URB1: variants seen among roughly 807,000 people sequenced by gnomAD.
URB1 encodes nucleolar pre-ribosomal-associated protein 1.
A neutral mutation model predicts 242.3 loss-of-function variants in URB1; 197 were observed. The observed-to-expected ratio is 0.81, with a 90% CI of 0.72 to 0.91. URB1 has a LOEUF of 0.91. Ranked by LOEUF, URB1 falls within the 40% of genes least tolerant of loss-of-function variation. URB1 has a pLI of 0.00. For missense variants in URB1, 2,721 were observed against 2,860.5 expected (o/e 0.95, Z 1.11); for synonymous variants, 1,153 against 1,201.8 (o/e 0.96, Z 0.84).
chr21:32,349,192 T>C, intron 21 of URB1, 112 bp downstream of exon 21: 2 of 1,365,344 alleles, frequency 1.5e-6, no homozygotes, highest in South Asian at 1.6e-5. Context: ...CTGTAGTTTC[T>C]GCATTTCCCA....
At position 32,320,469 on chromosome 21, in the gene URB1, G is replaced by A. The variant is rs983569177; in HGVS notation, c.5594+62C>T. On this transcript the variant is annotated intron_variant, in intron 35 of 38. Coordinates refer to ENST00000382751, the MANE Select transcript of URB1 (RefSeq NM_014825.3). ...ACCAACAACAGAGCTGGCAGCAGAC[G>A]TCATCGTTTCTGTTCCTTTCCTTCC... 2.6e-5 allele frequency: 33 copies of A among 1,246,114 alleles called. No individual in the cohort carries two copies. In the Admixed American group the frequency reaches 3.5e-4, roughly 13 times the overall value. The allele number at this position is 1,246,114 out of a possible 1,614,324, so 77.2% of individuals were successfully genotyped here.
rs1432886137 is a variant in URB1 at position 32,354,961 on chromosome 21, T to C, written c.2143A>G (p.Thr715Ala). 6.4e-7 allele frequency: 1 copy of C among 1,552,164 alleles called. No individual in the cohort carries two copies. Among genetic ancestry groups the C allele is most frequent in the East Asian group, 2.4e-5 (1 of 40,932 alleles). The change falls in exon 17 of 39, where the codon ACA becomes GCA. Residue 715 changes from threonine (T) to alanine (A), a missense_variant. Thr to Ala is a moderately conservative substitution (Grantham distance 58). Transcript: ENST00000382751. The stretch of plus-strand genomic sequence containing the variant: ...TGGACAAAGTCAGATGCTTTGTCTG[T>C]GTATGAATAGGGATTCGCCACCAAT... ...LTLVANPYSY[T>A]DKASDFVQEA...
rs1568814969 is a variant in URB1 at position 32,337,385 on chromosome 21, C to CT, written c.4621+18_4621+19insA. 6.5e-7 allele frequency: 1 copy of CT among 1,546,334 alleles called. No individual in the cohort carries two copies. The highest frequency in any genetic ancestry group is 8.7e-7 in the Non-Finnish European group (1 of 1,143,004). On this transcript the variant is annotated intron_variant, in intron 27 of 38. Transcript: ENST00000382751. ...CACTCCCTCCCCCTGCTCACACTAC[C>CT]CAGCCCTCACACCCTCACCTAGGAC...
At chr21:32,328,313 TTTTTAG>T (rs945446681) in intron 30 of URB1, among the ~76,000 whole-genome samples, 24 of 152,196 alleles carry the variant, frequency 1.6e-4, no homozygotes, top group Admixed American at 6.5e-4. Flanking sequence ...AATTTTCTTA[TTTTTAG>T]TAGAGACGGG....
chr21:32,389,885 T>A (rs753099341), intron 1 of URB1, among the ~76,000 whole-genome samples: 4 of 152,266 alleles, frequency 2.6e-5, no homozygotes, highest in Non-Finnish European at 2.9e-5. Context: ...TCCTTACCAA[T>A]CTAACCTGGC....
chr21:32,370,249 A>G (rs575975289), intron 8 of URB1, among the ~76,000 whole-genome samples: 1 of 152,302 alleles, frequency 6.6e-6, no homozygotes, highest in African/African-American at 2.4e-5. Context: ...TAAATTGAGT[A>G]AAACTACAAT....
chr21:32,341,465 C>T lies in URB1; in HGVS notation c.4316+1G>A, dbSNP rs1223032000. 1 of 1,551,538 alleles carries T rather than the reference C, an allele frequency of 6.4e-7. No individual in the cohort carries two copies. The highest frequency in any genetic ancestry group is 2.4e-5 in the East Asian group (1 of 40,928). ...GCACCAAGAAAATAAAATCAACTTA[C>T]TTGAGTCCCTTCTTCACGAATTTCT... is the stretch of plus-strand genomic sequence containing the variant. On this transcript the variant is annotated splice_donor_variant, in intron 25 of 38. Coordinates refer to ENST00000382751, the MANE Select transcript of URB1 (RefSeq NM_014825.3). LOFTEE classifies it high-confidence loss of function.
At chr21:32,368,005 T>C (rs1054648891) in intron 9 of URB1, among the ~76,000 whole-genome samples, 1 of 152,212 alleles carries the variant, frequency 6.6e-6, no homozygotes, top group Admixed American at 6.5e-5. Flanking sequence ...GTCTTCATAT[T>C]GTATAGTTTA....
intron 5 of URB1, chr21:32,377,177 T>C (rs1371469843): frequency 1.9e-6 from 1 of 517,696 alleles, no homozygotes; most frequent in African/African-American, 1.9e-5. Flanking sequence ...TTTTATCTTT[T>C]TTCTTTATCT....
chr21:32,338,206 G>A (rs887720667), intron 26 of URB1, among the ~76,000 whole-genome samples: 5 of 152,168 alleles, frequency 3.3e-5, no homozygotes, highest in African/African-American at 1.2e-4. Flanking sequence ...TCTGACATCC[G>A]ACCTGTGAGC....
chr21:32,384,432 T>C lies in URB1; in HGVS notation c.315A>G (p.Ile105Met). 6.4e-7 allele frequency: 1 copy of C among 1,551,754 alleles called. No homozygotes were observed. The highest frequency in any genetic ancestry group is 1.7e-4 in the Middle Eastern group (1 of 5,992). ...AAAGATCACTTGCTGTCCGCAATAA[T>C]ATGGCCTCGAAAACTTGAAATATTA... ...TMLIFQVFEA[I>M]LLRTASDLSH... The change falls in exon 3 of 39, where the codon ATA becomes ATG. Residue 105 changes from isoleucine (I) to methionine (M), a missense_variant. Transcript: ENST00000382751.
In URB1 at chr21:32,352,797, A is replaced by G. The variant is rs1451540799; in HGVS notation, c.2526T>C (p.Pro842=). 1.9e-6 allele frequency: 3 copies of G among 1,551,630 alleles called. No individual in the cohort carries two copies. The highest frequency in any genetic ancestry group is 2.7e-5 in the African/African-American group (2 of 73,064). The change falls in exon 19 of 39, where the codon CCT becomes CCC. Residue 842 remains proline, a synonymous_variant. Transcript: ENST00000382751. ...GCTGGCAGCAAGGCACCAGGCATGG[A>G]GGCTCAAGCTTATCATATGCCTGGA... ...LLLQAYDKLE[P]PCLVPCCQQL...
At chr21:32,372,827 G>C (rs975040771) in intron 7 of URB1, among the ~76,000 whole-genome samples, 196 bp from the exon 8 acceptor site, 2 of 152,160 alleles carry the variant, frequency 1.3e-5, no homozygotes, top group African/African-American at 4.8e-5. Context: ...ACTCTGAAGA[G>C]GGGCAAGTTT....
At chr21:32,327,612 A>G (rs886074175) in intron 30 of URB1, among the ~76,000 whole-genome samples, 6 of 152,230 alleles carry the variant, frequency 3.9e-5, no homozygotes, top group Non-Finnish European at 7.3e-5. Context: ...AATATGGCAA[A>G]TATCAAATAT....
Position 32,313,004 on chromosome 21 carries a change from AC to A in URB1, c.*1913del, listed in dbSNP as rs1158894567. On this transcript the variant is annotated 3_prime_UTR_variant, in exon 39 of 39. Transcript: ENST00000382751. ...CAGGGCAGTGGATTTAAAAGGGAGA[AC>A]AAAGAAAAGCAAGACTGATGAGCTC... 1 of 152,290 alleles carries A rather than the reference AC, an allele frequency of 6.6e-6. No individual in the cohort carries two copies. The highest frequency in any genetic ancestry group is 1.5e-5 in the Non-Finnish European group (1 of 68,076). 9.4% of individuals were successfully genotyped at this position (152,290 alleles called of 1,614,324 possible). A position where few individuals can be genotyped will look rare whatever the true frequency, so the allele number is the denominator to read the frequency against.
At chr21:32,390,735 G>C (rs2033628715) in intron 1 of URB1, among the ~76,000 whole-genome samples, 2 of 152,314 alleles carry the variant, frequency 1.3e-5, no homozygotes, top group Admixed American at 6.5e-5. Flanking sequence ...TGGAGAGGAT[G>C]TGGAGAAATG....
At chr21:32,323,239 A>G (rs1459635126) in intron 32 of URB1, among the ~76,000 whole-genome samples, 1 of 152,226 alleles carries the variant, frequency 6.6e-6, no homozygotes, top group East Asian at 1.9e-4. Context: ...AATCCATGGA[A>G]TAAAATGAAA....
chr21:32,365,287 A>C (rs1321982558), intron 10 of URB1, among the ~76,000 whole-genome samples: 1 of 152,148 alleles, frequency 6.6e-6, no homozygotes, highest in African/African-American at 2.4e-5. Flanking sequence ...TATACAAAAA[A>C]TAAAAATAAG....
chr21:32,340,041 G>GT (rs2033011101), intron 25 of URB1, among the ~76,000 whole-genome samples: 1 of 152,210 alleles, frequency 6.6e-6, no homozygotes. Context: ...TAAAGAAAGT[G>GT]TTTTTCAGTC....
Sources: allele counts gnomAD v4.1 joint callset (sites outside exome capture counted in the v4.1 genomes callset), GRCh38; gene constraint gnomAD v4.1.1; transcripts MANE v1.5; gene names NCBI Gene and HGNC (gene_info 2026-07-23, HGNC 2026-07-21).